Variants in DOCK1 observed in about 807,000 individuals in gnomAD.
DOCK1 encodes the protein dedicator of cytokinesis 1, also known as dedicator of cytokinesis protein 1.
DOCK1 carries 138 observed loss-of-function variants against 262.7 expected under a neutral mutation model. That is an observed-to-expected ratio of 0.53 (90% CI 0.46 to 0.61). The LOEUF is 0.61. Among genes scored for constraint, DOCK1 ranks in the 20% least tolerant of loss-of-function variants. DOCK1 has a pLI of 0.00. For missense variants in DOCK1, 1,908 were observed against 2,370.7 expected, an observed-to-expected ratio of 0.80 and a Z score of 4.05; for synonymous variants, 866 against 867.4, an observed-to-expected ratio of 1.00 and a Z score of 0.03.
intron 21 of DOCK1, among the ~76,000 whole-genome samples, chr10:127,044,654 C>T (rs1343514805): frequency 3.9e-5 from 6 of 152,028 alleles, no homozygotes; most frequent in African/African-American, 1.2e-4. Flanking sequence ...TGAAATGTGG[C>T]CAAAGAACTC....
intron 30 of DOCK1, among the ~76,000 whole-genome samples, chr10:127,343,122 G>A (rs1160031628): frequency 1.3e-5 from 2 of 152,132 alleles, no homozygotes; most frequent in Non-Finnish European, 2.9e-5. Flanking sequence ...GTGCACACCT[G>A]TAGTCCCAGC....
chr10:127,378,721 G>A (rs1321669640), intron 35 of DOCK1, among the ~76,000 whole-genome samples: 2 of 152,222 alleles, frequency 1.3e-5, no homozygotes, highest in East Asian at 1.9e-4. Flanking sequence ...GTGTGAAACC[G>A]TAGCTTGTAA....
chr10:127,316,580 CT>C (rs2062292693), intron 29 of DOCK1, among the ~76,000 whole-genome samples: 1 of 152,130 alleles, frequency 6.6e-6, no homozygotes, highest in African/African-American at 2.4e-5. Context: ...TTTGAAAGCA[CT>C]GTTTGGGTTG....
chr10:127,375,900 G>A (rs1168257058), intron 35 of DOCK1, among the ~76,000 whole-genome samples: 1 of 152,196 alleles, frequency 6.6e-6, no homozygotes, highest in African/African-American at 2.4e-5. Flanking sequence ...TCTTAGATCT[G>A]TAGATAAACT....
rs116643477 is a variant in DOCK1, at chr10:127,245,423, C to A, written c.2848-2585C>A. On this transcript the variant is annotated intron_variant, in intron 27 of 51. Coordinates refer to ENST00000623213, the MANE Select transcript of DOCK1 (RefSeq NM_001290223.2). ...TTGTGGAGATGGCCCATCCTTCTGG[C>A]CCTTCTGGGCCTCCTGTAATTAATC... 9.9e-3 allele frequency among the ~76,000 whole-genome samples: 1,509 copies of A among 152,346 alleles called. 38 individuals are homozygous for A. The highest frequency in any genetic ancestry group is 0.034 in the African/African-American group (1,425 of 41,570).
At chr10:127,219,490 T>C (rs2058340645) in intron 27 of DOCK1, among the ~76,000 whole-genome samples, 1 of 152,212 alleles carries the variant, frequency 6.6e-6, no homozygotes, top group East Asian at 1.9e-4. Flanking sequence ...TGGTAAAATA[T>C]ATATCACATA....
intron 21 of DOCK1, among the ~76,000 whole-genome samples, chr10:127,046,830 A>T (rs2044382132): frequency 6.6e-6 from 1 of 151,848 alleles, no homozygotes. Flanking sequence ...GCTCATCCAT[A>T]ATTGCAGTGA....
chr10:126,960,745 T>TATATATATATATATATATATATATACAC (rs1429186588), intron 1 of DOCK1, among the ~76,000 whole-genome samples: 11 of 115,506 alleles, frequency 9.5e-5, no homozygotes, highest in Admixed American at 1.6e-4. Flanking sequence ...TATATATATA[T>TATATATATATATATATATATATATACAC]ACACACACAC....
chr10:127,268,503 CAAAAAAAAA>C (rs56689236), intron 29 of DOCK1, among the ~76,000 whole-genome samples: 1 of 70,156 alleles, frequency 1.4e-5, no homozygotes, highest in Non-Finnish European at 2.5e-5. Flanking sequence ...GACTCCACCT[CAAAAAAAAA>C]AAAAAAAAAA....
chr10:127,415,316 A>G, intron 44 of DOCK1, 78 bp downstream of exon 44: 2 of 1,436,630 alleles, frequency 1.4e-6, no homozygotes, highest in Non-Finnish European at 1.9e-6. Context: ...TCACCTGCTC[A>G]TGCCCCGTGG....
At chr10:127,287,936 G>T (rs1194712251) in intron 29 of DOCK1, among the ~76,000 whole-genome samples, 2 of 152,006 alleles carry the variant, frequency 1.3e-5, no homozygotes, top group Non-Finnish European at 2.9e-5. Flanking sequence ...ATGTTATTCT[G>T]TCTGCTTTCA....
In DOCK1 at chr10:127,125,374, C is replaced by T. The variant is rs573151952; in HGVS notation, c.2624-100C>T. ...GATGTCAGTTCCACGTGTTGCACAA[C>T]GTGAATGCAAACTGCTTGAAAGGGC... On this transcript the variant is annotated intron_variant, in intron 25 of 51. Coordinates refer to ENST00000623213, the MANE Select transcript of DOCK1 (RefSeq NM_001290223.2). The T allele has an allele frequency of 5.2e-6, 8 of 1,543,182 alleles. No homozygotes were observed. The South Asian group carries it at 6.0e-5, about 12-fold the overall frequency.
At chr10:127,391,839 C>T (rs1305534392) in intron 38 of DOCK1, among the ~76,000 whole-genome samples, 5 of 152,058 alleles carry the variant, frequency 3.3e-5, no homozygotes, top group Non-Finnish European at 7.4e-5. Context: ...TCCACCCTTC[C>T]GCTCCTGCAG....
At chr10:127,214,660 C>T (rs555414788) in intron 27 of DOCK1, among the ~76,000 whole-genome samples, 6 of 152,288 alleles carry the variant, frequency 3.9e-5, no homozygotes, top group African/African-American at 1.4e-4. Context: ...TAGCGATCTC[C>T]AGGCACACCT....
chr10:126,927,755 T>A (rs1236621701), intron 1 of DOCK1, among the ~76,000 whole-genome samples: 2 of 152,162 alleles, frequency 1.3e-5, no homozygotes, highest in Non-Finnish European at 2.9e-5. Context: ...TTCTTTCACG[T>A]GTTCATTCAG....
At chr10:127,122,150 C>T (rs996422459) in intron 25 of DOCK1, among the ~76,000 whole-genome samples, 2 of 152,178 alleles carry the variant, frequency 1.3e-5, no homozygotes, top group African/African-American at 2.4e-5. Flanking sequence ...GAGGTGCACT[C>T]CTTGGCTTTG....
At chr10:127,396,945 G>A (rs1465508276) in intron 38 of DOCK1, among the ~76,000 whole-genome samples, 4 of 149,978 alleles carry the variant, frequency 2.7e-5, no homozygotes, top group African/African-American at 9.8e-5. Context: ...TATGTGATCT[G>A]AGCATGAGTT....
intron 29 of DOCK1, among the ~76,000 whole-genome samples, chr10:127,321,273 G>A (rs1453071965): frequency 1.1e-5 from 1 of 91,000 alleles, no homozygotes; most frequent in African/African-American, 4.4e-5. Flanking sequence ...TCCTCCCCTC[G>A]GCCCTATCCT....
At chr10:127,022,448 G>A (rs565041263) in intron 13 of DOCK1, among the ~76,000 whole-genome samples, 14 of 152,150 alleles carry the variant, frequency 9.2e-5, no homozygotes, top group African/African-American at 2.9e-4. Context: ...CTTTTGAGAC[G>A]GAGTTTTGCT....
Sources: gnomAD v4.1 joint callset for allele counts (sites outside exome capture counted in the v4.1 genomes callset) on GRCh38, gnomAD v4.1.1 for gene constraint, MANE v1.5 for transcripts, NCBI Gene and HGNC (gene_info 2026-07-23, HGNC 2026-07-21) for gene names.